HPSE2: variants seen among roughly 807,000 people sequenced by gnomAD.
HPSE2 encodes the protein heparanase 2 (inactive), also known as inactive heparanase-2.
In HPSE2, 38 loss-of-function variants were observed where a neutral mutation model predicts 60.5. The ratio of observed to expected loss-of-function variants is 0.63; its 90% confidence interval spans 0.48 to 0.82. The LOEUF is 0.82. HPSE2 is among the 40% of genes least tolerant of loss of function. The pLI, the probability that HPSE2 is intolerant of heterozygous loss-of-function variation, is 0.00. For synonymous variants in HPSE2, 295 were observed against 293.2 expected (o/e 1.01, Z -0.06); for missense variants, 713 against 740.4 (o/e 0.96, Z 0.43).
intron 9 of HPSE2, among the ~76,000 whole-genome samples, chr10:98,559,547 G>A (rs1944111894): frequency 6.6e-6 from 1 of 152,066 alleles, no homozygotes; most frequent in Non-Finnish European, 1.5e-5. Flanking sequence ...CATGCCCCAA[G>A]TCCTTCTCAC....
At chr10:99,033,469 C>T (rs1295641256) in intron 3 of HPSE2, among the ~76,000 whole-genome samples, 2 of 151,858 alleles carry the variant, frequency 1.3e-5, no homozygotes, top group African/African-American at 4.8e-5. Context: ...GTACTATATA[C>T]CTATTAGAAA....
intron 3 of HPSE2, among the ~76,000 whole-genome samples, chr10:99,036,690 T>G (rs555841948): frequency 6.6e-6 from 1 of 152,172 alleles, no homozygotes; most frequent in Non-Finnish European, 1.5e-5. Flanking sequence ...GGTCCACAAA[T>G]GCATGCTTAA....
intron 2 of HPSE2, among the ~76,000 whole-genome samples, chr10:99,164,406 A>AT (rs1385256100): frequency 4.7e-5 from 7 of 148,372 alleles, no homozygotes; most frequent in Admixed American, 6.7e-5. Flanking sequence ...TCCTCAATCT[A>AT]TTTTTTTTTA....
At chr10:98,629,778 G>T (rs1946312017) in intron 7 of HPSE2, among the ~76,000 whole-genome samples, 1 of 152,118 alleles carries the variant, frequency 6.6e-6, no homozygotes, top group Admixed American at 6.6e-5. Context: ...TTGATCAGCT[G>T]GGAGATGTGC....
chr10:98,913,954 C>T (rs1954048288), intron 3 of HPSE2, among the ~76,000 whole-genome samples: 1 of 152,006 alleles, frequency 6.6e-6, no homozygotes, highest in Admixed American at 6.6e-5. Context: ...TTTCTCTTTC[C>T]CATATAATCA....
At chr10:99,093,151 C>T (rs1315784116) in intron 3 of HPSE2, among the ~76,000 whole-genome samples, 1 of 151,912 alleles carries the variant, frequency 6.6e-6, no homozygotes, top group Non-Finnish European at 1.5e-5. Flanking sequence ...TCACTTGAAC[C>T]CAGGAGGCAG....
At chr10:99,265,045 C>A in the HPSE2 span, among the ~76,000 whole-genome samples, 1 of 152,172 alleles carries the variant, frequency 6.6e-6, no homozygotes, top group Non-Finnish European at 1.5e-5. Flanking sequence ...CTGTGACCTG[C>A]ACATATACAT....
At chr10:98,877,543 G>T (rs1952911020) in intron 3 of HPSE2, among the ~76,000 whole-genome samples, 1 of 151,746 alleles carries the variant, frequency 6.6e-6, no homozygotes, top group Non-Finnish European at 1.5e-5. Context: ...AAGTTTATTG[G>T]CAGGATTATA....
At chr10:98,770,884 T>A (rs1304839063) in intron 3 of HPSE2, among the ~76,000 whole-genome samples, 2 of 152,090 alleles carry the variant, frequency 1.3e-5, no homozygotes, top group Non-Finnish European at 2.9e-5. Context: ...CCATCCTGAA[T>A]GGGGTAGGTG....
At chr10:99,097,225 G>A (rs1200647689) in intron 3 of HPSE2, among the ~76,000 whole-genome samples, 1 of 152,152 alleles carries the variant, frequency 6.6e-6, no homozygotes, top group Non-Finnish European at 1.5e-5. Context: ...AGGGGACAGA[G>A]ACAGTTCACT....
At position 98,860,594 on chromosome 10, in the gene HPSE2, G is replaced by A. The variant is rs1434187387; in HGVS notation, c.611-116538C>T. ...CATTTACAGATGGGGAAACTGAAAC[G>A]CAGACTTGCTCCAAGTCACACTTCT... On this transcript the variant is annotated intron_variant, in intron 3 of 11. Coordinates refer to ENST00000370552, the MANE Select transcript of HPSE2 (RefSeq NM_021828.5). Among the ~76,000 whole-genome samples the A allele has an allele frequency of 2.6e-5, 4 of 152,078 alleles. No individual in the cohort carries two copies. In the East Asian group the frequency reaches 5.8e-4, roughly 22 times the overall value.
intron 3 of HPSE2, among the ~76,000 whole-genome samples, chr10:98,797,659 C>T (rs1373309247): frequency 6.6e-6 from 1 of 151,728 alleles, no homozygotes; most frequent in Non-Finnish European, 1.5e-5. Flanking sequence ...CTGGCTAACA[C>T]GGTGAAACCC....
chr10:99,152,471 TAAAC>T (rs147652137), intron 2 of HPSE2, among the ~76,000 whole-genome samples: 12 of 152,118 alleles, frequency 7.9e-5, no homozygotes, highest in Non-Finnish European at 1.6e-4. Flanking sequence ...AATATGTAAA[TAAAC>T]AAAAATCCTT....
chr10:99,003,040 C>A, intron 3 of HPSE2, among the ~76,000 whole-genome samples: 1 of 152,040 alleles, frequency 6.6e-6, no homozygotes, highest in East Asian at 1.9e-4. Context: ...CCCCTGGTAA[C>A]CACCACTCTA....
intron 11 of HPSE2, among the ~76,000 whole-genome samples, chr10:98,476,169 T>C (rs1385437040): frequency 6.6e-6 from 1 of 151,202 alleles, no homozygotes; most frequent in Non-Finnish European, 1.5e-5. Flanking sequence ...TCATGTCCTT[T>C]GTAGGGACAT....
chr10:99,046,917 T>C (rs10786502), intron 3 of HPSE2, among the ~76,000 whole-genome samples: 79,980 of 151,998 alleles, frequency 0.53, 22,877 homozygotes, highest in Non-Finnish European at 0.64. Flanking sequence ...TTCAGTGCTA[T>C]ACCTATCAAA....
At chr10:98,698,650 C>A (rs1286328997) in intron 5 of HPSE2, among the ~76,000 whole-genome samples, 2 of 151,994 alleles carry the variant, frequency 1.3e-5, no homozygotes, top group South Asian at 2.1e-4. Flanking sequence ...CAGAGCAGAA[C>A]TGAAGGAAAT....
At chr10:98,631,866 A>T (rs1239418921) in intron 7 of HPSE2, among the ~76,000 whole-genome samples, 1 of 152,168 alleles carries the variant, frequency 6.6e-6, no homozygotes, top group African/African-American at 2.4e-5. Flanking sequence ...AACTTCATTC[A>T]TTCATTCAAC....
intron 6 of HPSE2, among the ~76,000 whole-genome samples, chr10:98,654,993 A>G (rs911233900): frequency 2.0e-5 from 3 of 152,156 alleles, no homozygotes; most frequent in Non-Finnish European, 4.4e-5. Flanking sequence ...GAACTCTATC[A>G]GTTGTATTCA....
Sources: gnomAD v4.1 joint callset for allele counts (sites outside exome capture counted in the v4.1 genomes callset) on GRCh38, gnomAD v4.1.1 for gene constraint, MANE v1.5 for transcripts, NCBI Gene and HGNC (gene_info 2026-07-23, HGNC 2026-07-21) for gene names.